ACTR3B: variants seen among roughly 807,000 people sequenced by gnomAD.
The protein encoded by ACTR3B is actin-related protein 3B.
ACTR3B carries 8 observed loss-of-function variants against 59.0 expected under a neutral mutation model. The observed-to-expected ratio is 0.14, with a 90% confidence interval of 0.08 to 0.24. The LOEUF is 0.24. ACTR3B is among the 10% of genes least tolerant of loss of function. ACTR3B has a pLI of 1.00. For synonymous variants in ACTR3B, 148 were observed against 197.9 expected, an observed-to-expected ratio of 0.75 and a Z score of 2.12; for missense variants, 245 against 552.3, an observed-to-expected ratio of 0.44 and a Z score of 5.58.
intron 9 of ACTR3B, among the ~76,000 whole-genome samples, chr7:152,838,881 T>G (rs1385957557): frequency 1.3e-5 from 2 of 152,278 alleles, no homozygotes; most frequent in East Asian, 3.9e-4. Context: ...TGATGGGTGT[T>G]GTGTGCTGCT....
At chr7:152,828,543 AGTAG>A (rs1483762745) in intron 9 of ACTR3B, among the ~76,000 whole-genome samples, 3 of 151,990 alleles carry the variant, frequency 2.0e-5, no homozygotes, top group African/African-American at 7.2e-5. Flanking sequence ...TGCACAGATC[AGTAG>A]GTCTGTGGGT....
At chr7:152,822,252 C>T (rs1364962385) in intron 7 of ACTR3B, among the ~76,000 whole-genome samples, 1 of 152,212 alleles carries the variant, frequency 6.6e-6, no homozygotes, top group Admixed American at 6.5e-5. Flanking sequence ...CTTAATACCA[C>T]GAGAGCGTCT....
chr7:152,810,869 A>C (rs1178697343), intron 4 of ACTR3B: 1 of 151,448 alleles, frequency 6.6e-6, no homozygotes, highest in African/African-American at 2.4e-5. Flanking sequence ...GGGCTACTGC[A>C]CTTGAGCCTG....
In ACTR3B at chr7:152,779,143, C is replaced by T. The variant is rs550628766; in HGVS notation, c.45-4044C>T. On this transcript the variant is annotated intron_variant, in intron 1 of 11. Transcript: ENST00000256001. ...AAATGCTAAAGGTGACTTCATGTGGCGTAGTTGAGGTCAGTGAGTTCTAAG... is the reference window on the plus strand; with the variant it reads ...AAATGCTAAAGGTGACTTCATGTGGTGTAGTTGAGGTCAGTGAGTTCTAAG... Among the ~76,000 whole-genome samples, 23 of 151,962 alleles carry T rather than the reference C, an allele frequency of 1.5e-4. No homozygotes were observed. The South Asian group carries it at 3.1e-3, about 21-fold the overall frequency.
rs549918783 is a variant in ACTR3B at position 152,827,569 on chromosome 7, G to A, written c.951+2447G>A. On this transcript the variant is annotated intron_variant, in intron 9 of 11. Coordinates refer to ENST00000256001, the MANE Select transcript of ACTR3B (RefSeq NM_020445.6). ...GTTTATTTCTTTGCACGTGGTTCAC[G>A]TCTGGTGTGGTCGGCAGTAGGCTCC... Among the ~76,000 whole-genome samples, 7 of 151,644 alleles carry A rather than the reference G, an allele frequency of 4.6e-5. No individual in the cohort carries two copies. In the South Asian group the frequency reaches 1.3e-3, roughly 27 times the overall value.
At chr7:152,825,345 T>C (rs1474766932) in intron 9 of ACTR3B, among the ~76,000 whole-genome samples, 4 of 152,182 alleles carry the variant, frequency 2.6e-5, no homozygotes, top group African/African-American at 9.7e-5. Context: ...GGACTCTTGC[T>C]CTGTCACCCG....
chr7:152,801,877 A>G (rs534525282), intron 4 of ACTR3B, 146 bp downstream of exon 4: 5 of 554,518 alleles, frequency 9.0e-6, no homozygotes, highest in African/African-American at 7.8e-5. Flanking sequence ...AATAAAGCTC[A>G]ATAAAAATGT....
intron 1 of ACTR3B, among the ~76,000 whole-genome samples, chr7:152,772,946 T>C (rs1245635308): frequency 1.4e-5 from 2 of 146,154 alleles, no homozygotes; most frequent in Middle Eastern, 3.5e-3. Flanking sequence ...ACTGTGCTAA[T>C]TGTCGTATCT....
intron 2 of ACTR3B, among the ~76,000 whole-genome samples, chr7:152,792,301 G>A (rs547685146): frequency 1.3e-5 from 2 of 152,248 alleles, no homozygotes; most frequent in African/African-American, 4.8e-5. Context: ...GAAAACGCAA[G>A]AGGAAAAGGA....
Position 152,795,141 on chromosome 7 carries a change from TCTC to T in ACTR3B, c.101-5387_101-5385del, listed in dbSNP as rs2098212066. Among the ~76,000 whole-genome samples, 7 of 152,010 alleles carry T rather than the reference TCTC, an allele frequency of 4.6e-5. No homozygotes were observed. In the South Asian group the frequency reaches 1.2e-3, roughly 27 times the overall value. On this transcript the variant is annotated intron_variant, in intron 2 of 11. Transcript: ENST00000256001. ...CCCCTGCCACCTGAGTTCAAGCAAT[TCTC>T]CTGCCTCAGCCTCCTGAATAGCTGG...
In ACTR3B at chr7:152,824,715, C is replaced by T. The variant is rs1411284563; in HGVS notation, c.859-315C>T. Among the ~76,000 whole-genome samples the T allele has an allele frequency of 1.3e-5, 2 of 152,150 alleles. No homozygotes were observed. The highest frequency in any genetic ancestry group is 2.9e-5 in the Non-Finnish European group (2 of 68,030). The stretch of plus-strand genomic sequence containing the variant: ...GTTTCTCACTGCGTGTCACATAGAT[C>T]GTGCACATACTCTCCACTGCTCTTA... On this transcript the variant is annotated intron_variant, in intron 8 of 11. Transcript: ENST00000256001. This position sits in a 1 kb window ranked among gnomAD's most constrained non-coding sequence, Gnocchi z 4.2.
chr7:152,763,477 G>A (rs529735976), intron 1 of ACTR3B, among the ~76,000 whole-genome samples: 8 of 151,706 alleles, frequency 5.3e-5, no homozygotes, highest in Non-Finnish European at 7.4e-5. Context: ...AGGCTGGAGT[G>A]CAGTGGCACA....
At chr7:152,788,880 G>A (rs866919155) in intron 2 of ACTR3B, among the ~76,000 whole-genome samples, 7 of 152,276 alleles carry the variant, frequency 4.6e-5, no homozygotes, top group South Asian at 4.1e-4. Context: ...AAAATTAGCC[G>A]GATGTGGTGG....
At chr7:152,849,845 C>T (rs538130288) in intron 9 of ACTR3B, among the ~76,000 whole-genome samples, 20 of 152,250 alleles carry the variant, frequency 1.3e-4, no homozygotes, top group Non-Finnish European at 2.6e-4. Flanking sequence ...AGAATTGGAG[C>T]AGATCCCAGG....
At chr7:152,791,683 A>G (rs1283108998) in intron 2 of ACTR3B, among the ~76,000 whole-genome samples, 1 of 152,188 alleles carries the variant, frequency 6.6e-6, no homozygotes, top group African/African-American at 2.4e-5. Context: ...AAAGTTACAG[A>G]ATTATTTTCT....
intron 2 of ACTR3B, among the ~76,000 whole-genome samples, chr7:152,796,070 C>A (rs1464089633): frequency 6.6e-6 from 1 of 152,130 alleles, no homozygotes; most frequent in Non-Finnish European, 1.5e-5. Context: ...GTCTTGAACT[C>A]CTGATCTCAG....
chr7:152,819,723 C>T (rs1226477911), intron 6 of ACTR3B, among the ~76,000 whole-genome samples: 1 of 152,026 alleles, frequency 6.6e-6, no homozygotes, highest in East Asian at 1.9e-4. Context: ...TCGACACACG[C>T]AGTTTCATCT....
intron 1 of ACTR3B, among the ~76,000 whole-genome samples, chr7:152,764,934 A>G (rs528264207): frequency 6.6e-6 from 1 of 152,274 alleles, no homozygotes; most frequent in Non-Finnish European, 1.5e-5. Context: ...GTAACAGAAT[A>G]CCACACACCG....
intron 1 of ACTR3B, among the ~76,000 whole-genome samples, chr7:152,772,471 G>A (rs2098126360): frequency 6.6e-6 from 1 of 152,170 alleles, no homozygotes; most frequent in African/African-American, 2.4e-5. Context: ...GTTACAGTGA[G>A]TTGTGACTGC....
Sources: allele counts gnomAD v4.1 joint callset (sites outside exome capture counted in the v4.1 genomes callset), GRCh38; gene constraint gnomAD v4.1.1; non-coding constraint Gnocchi (gnomAD v3.1); transcripts MANE v1.5; gene names NCBI Gene and HGNC (gene_info 2026-07-23, HGNC 2026-07-21).